The following TXNRD2 variants were observed in gnomAD, a reference collection of about 807,000 sequenced individuals.
TXNRD2 encodes thioredoxin reductase 2, mitochondrial.
In TXNRD2, 67 loss-of-function variants were observed where a neutral mutation model predicts 70.8. That is an observed-to-expected ratio of 0.95 (90% CI 0.78 to 1.16). TXNRD2 has a LOEUF of 1.16. Ranked by LOEUF, TXNRD2 falls within the 50% of genes most tolerant of loss-of-function variation. The pLI, the probability that TXNRD2 is intolerant of heterozygous loss-of-function variation, is 0.00. For synonymous variants in TXNRD2, 301 were observed against 295.8 expected (o/e 1.02, Z -0.18); for missense variants, 644 against 719.9 (o/e 0.89, Z 1.21).
intron 11 of TXNRD2, chr22:19,894,969 C>G: frequency 2.4e-6 from 3 of 1,271,622 alleles, no homozygotes; most frequent in Middle Eastern, 2.7e-4. Flanking sequence ...GACTCCATCT[C>G]AAAAAAAAAA....
chr22:19,940,314 G>A (rs983350125), intron 1 of TXNRD2, among the ~76,000 whole-genome samples: 3 of 150,800 alleles, frequency 2.0e-5, no homozygotes, highest in African/African-American at 7.3e-5. Flanking sequence ...GGGCACGAAA[G>A]GGCTATTTAA....
chr22:19,907,217 G>A (rs373085957), intron 8 of TXNRD2, among the ~76,000 whole-genome samples: 27 of 57,876 alleles, frequency 4.7e-4, no homozygotes, highest in East Asian at 1.5e-3. Flanking sequence ...GAGTGTGGGC[G>A]CCGTGAGTAG....
chr22:19,904,610 C>T (rs1452855586), intron 8 of TXNRD2, among the ~76,000 whole-genome samples: 1 of 152,246 alleles, frequency 6.6e-6, no homozygotes, highest in Non-Finnish European at 1.5e-5. Context: ...GGGCCCCACA[C>T]AGACGTGCGC....
intron 11 of TXNRD2, among the ~76,000 whole-genome samples, chr22:19,890,579 C>T (rs939852481): frequency 6.6e-6 from 1 of 152,216 alleles, no homozygotes; most frequent in East Asian, 1.9e-4. Context: ...CCCCCTCGCC[C>T]GGGCAGCATC....
intron 1 of TXNRD2, among the ~76,000 whole-genome samples, chr22:19,939,134 C>G (rs1202816270): frequency 6.6e-6 from 1 of 152,130 alleles, no homozygotes; most frequent in Admixed American, 6.5e-5. Context: ...ACTTAAACTT[C>G]GTGTGAATAC....
chr22:19,931,851 G>A (rs964667870), intron 1 of TXNRD2, among the ~76,000 whole-genome samples: 14 of 151,958 alleles, frequency 9.2e-5, no homozygotes, highest in South Asian at 4.2e-4. Flanking sequence ...GCTGCCCTCC[G>A]TCACAAGTGA....
intron 4 of TXNRD2, 22 bp downstream of exon 4, chr22:19,918,838 T>G: frequency 6.2e-7 from 1 of 1,603,538 alleles, no homozygotes. Context: ...AGCACTGGAA[T>G]GCCACGGCGC....
intron 12 of TXNRD2, among the ~76,000 whole-genome samples, chr22:19,881,641 C>G (rs1938786529): frequency 6.6e-6 from 1 of 152,270 alleles, no homozygotes. Flanking sequence ...GAGCTACACA[C>G]TTGCAGAGGG....
At chr22:19,892,085 G>A (rs537496694) in intron 11 of TXNRD2, among the ~76,000 whole-genome samples, 5 of 152,232 alleles carry the variant, frequency 3.3e-5, no homozygotes, top group South Asian at 2.1e-4. Context: ...CCTTCCTGTC[G>A]GAGCCCAGCT....
chr22:19,919,840 C>G (rs1021781025), intron 2 of TXNRD2, among the ~76,000 whole-genome samples: 5 of 103,892 alleles, frequency 4.8e-5, no homozygotes, highest in African/African-American at 2.8e-4. Context: ...CTGGCACTGC[C>G]CACCCAGCTG....
intron 2 of TXNRD2, among the ~76,000 whole-genome samples, chr22:19,930,433 G>A (rs138847075): frequency 7.2e-5 from 11 of 152,308 alleles, no homozygotes; most frequent in African/African-American, 2.2e-4. Context: ...TGTGCATCAC[G>A]TGGGTTAGCA....
At chr22:19,931,977 A>G (rs368301966) in intron 1 of TXNRD2, among the ~76,000 whole-genome samples, 13 of 151,862 alleles carry the variant, frequency 8.6e-5, no homozygotes, top group East Asian at 3.9e-4. Context: ...TGGCTAACAC[A>G]GTGAAACCCC....
chr22:19,880,230 C>G lies in TXNRD2; in HGVS notation c.1224G>C (p.Val408=), dbSNP rs375650172. ...CCACTGCCTCCTCCTCGGACAGCCC[C>G]ACACAGCCATACTCCAGCGGGGTGA... ...TVFTPLEYGC[V]GLSEEEAVAR... The change falls in exon 14 of 18, where the codon GTG becomes GTC. Residue 408 remains valine, a synonymous_variant. Transcript: ENST00000400521. 58 of 1,613,698 alleles carry G rather than the reference C, an allele frequency of 3.6e-5. No homozygotes were observed. The highest frequency in any genetic ancestry group is 6.7e-5 in the African/African-American group (5 of 74,940).
chr22:19,909,896 C>CCCT (rs1299412436), intron 8 of TXNRD2, among the ~76,000 whole-genome samples: 39 of 119,100 alleles, frequency 3.3e-4, no homozygotes, highest in Admixed American at 2.6e-3. Flanking sequence ...CTCACACACA[C>CCCT]ACACACCACA....
chr22:19,927,651 C>CAAAAAAAAA (rs149665821), intron 2 of TXNRD2, among the ~76,000 whole-genome samples: 80 of 67,772 alleles, frequency 1.2e-3, no homozygotes, highest in Non-Finnish European at 1.4e-3. Context: ...GACCTTGTCT[C>CAAAAAAAAA]AAAAAAAAAA....
chr22:19,937,517 A>G (rs1941572522), intron 1 of TXNRD2, among the ~76,000 whole-genome samples: 1 of 152,152 alleles, frequency 6.6e-6, no homozygotes. Context: ...ATTCCATCCT[A>G]CGTCAAAATT....
intron 16 of TXNRD2, 112 bp downstream of exon 16, chr22:19,877,978 A>G (rs1938584123): frequency 1.1e-6 from 1 of 922,466 alleles, no homozygotes; most frequent in Non-Finnish European, 1.7e-6. Context: ...CAAACCCACG[A>G]AGGCCACATA....
chr22:19,883,328 C>T lies in TXNRD2; in HGVS notation c.1083G>A (p.Val361=), dbSNP rs747743252. 18 of 1,613,634 alleles carry T rather than the reference C, an allele frequency of 1.1e-5. No homozygotes were observed. In the South Asian group the frequency reaches 1.6e-4, roughly 15 times the overall value. Residue 361 remains valine (V), a synonymous_variant, in exon 12 of 18, where the codon GTG becomes GTA. Coordinates refer to ENST00000400521, the MANE Select transcript of TXNRD2 (RefSeq NM_006440.5). ...GGTCCCGGGACGCATGCCGTACCTC[C>T]ACCACGTCACCAATGGCGTAGATGT... ...VPHIYAIGDV[V]EGRPELTPIA...
intron 8 of TXNRD2, among the ~76,000 whole-genome samples, chr22:19,900,516 C>T (rs1028686109): frequency 7.2e-5 from 11 of 152,092 alleles, no homozygotes; most frequent in African/African-American, 1.7e-4. Flanking sequence ...TTTGGGAGGC[C>T]GAAGCAGGCA....
Sources: allele counts gnomAD v4.1 joint callset (sites outside exome capture counted in the v4.1 genomes callset), GRCh38; gene constraint gnomAD v4.1.1; transcripts MANE v1.5; gene names NCBI Gene and HGNC (gene_info 2026-07-23, HGNC 2026-07-21).